Variants in MAP4 observed in about 807,000 individuals in gnomAD.
MAP4 encodes microtubule-associated protein 4.
MAP4 carries 76 observed loss-of-function variants against 170.2 expected under a neutral mutation model. That is an observed-to-expected ratio of 0.45 (90% CI 0.37 to 0.54). The LOEUF is 0.54. MAP4 is among the 20% of genes least tolerant of loss of function. MAP4 has a pLI of 0.00. For synonymous variants in MAP4, 909 were observed against 994.5 expected (o/e 0.91, Z 1.62); for missense variants, 2,506 against 2,748.0 (o/e 0.91, Z 1.97).
rs1402713541 is a variant in MAP4, at chr3:47,916,960, G to C, written c.867C>G (p.Ala289=). 8 of 1,614,208 alleles carry C rather than the reference G, an allele frequency of 5.0e-6. No homozygotes were observed. The highest frequency in any genetic ancestry group is 5.1e-6 in the Non-Finnish European group (6 of 1,180,034). ...ESPTKLDVTL[A]KDMQPSMESD... ...ATTCCATGGATGGCTGCATGTCCTT[G>C]GCCAGTGTCACATCTAATTTGGTGG... The change falls in exon 7 of 21, where the codon GCC becomes GCG. Residue 289 remains alanine, a synonymous_variant. Transcript: ENST00000683076.
chr3:47,864,102 T>C (rs1226082999), intron 17 of MAP4, among the ~76,000 whole-genome samples: 1 of 152,048 alleles, frequency 6.6e-6, no homozygotes, highest in Admixed American at 6.6e-5. Context: ...CTCAGCCTCC[T>C]GAGAAGCTGG....
At chr3:47,983,333 C>G (rs1465548834) in intron 2 of MAP4, among the ~76,000 whole-genome samples, 5 of 152,086 alleles carry the variant, frequency 3.3e-5, no homozygotes, top group Non-Finnish European at 7.4e-5. Context: ...CTCAGCCTCC[C>G]AAGTATATGG....
Position 47,891,014 on chromosome 3 carries a change from A to G in MAP4, c.5434+11936T>C, listed in dbSNP as rs754177850. 5.6e-5 allele frequency: 82 copies of G among 1,459,066 alleles called. 1 individual carries two copies. In the Admixed American group the frequency reaches 6.5e-4, roughly 12 times the overall value. The allele number at this position is 1,459,066 out of a possible 1,614,324, so 90.4% of individuals were successfully genotyped here. On this transcript the variant is annotated intron_variant, in intron 10 of 20. Coordinates refer to ENST00000683076, the MANE Select transcript of MAP4 (RefSeq NM_001385682.1). ...CTTGTTCCCAATGGAGGCAAAATTT[A>G]GAAACATACCATCACGTGGGGGCTT...
chr3:48,054,786 C>T (rs1361875337), intron 1 of MAP4, among the ~76,000 whole-genome samples: 6 of 150,172 alleles, frequency 4.0e-5, no homozygotes, highest in Admixed American at 1.3e-4. Flanking sequence ...CCAGCCTGGG[C>T]GACAAAGCAA....
chr3:47,869,219 C>T lies in MAP4; in HGVS notation c.6403G>A (p.Gly2135Arg). 6.2e-7 allele frequency: 1 copy of T among 1,610,216 alleles called. No homozygotes were observed. Among genetic ancestry groups the T allele is most frequent in the Non-Finnish European group, 8.5e-7 (1 of 1,176,442 alleles). Reference protein sequence around the residue: ...PIASAQKQPAGKVQIVSKKVS... With the variant: ...PIASAQKQPARKVQIVSKKVS... ...TGGGTCTAAATAAAACTCACTTTCCCCGCAGGTTGTTTCTGTGCACTTGCA... is the reference window on the plus strand; with the variant it reads ...TGGGTCTAAATAAAACTCACTTTCCTCGCAGGTTGTTTCTGTGCACTTGCA... Residue 2135 changes from glycine (G) to arginine (R), a missense_variant, in exon 16 of 21, where the codon GGG becomes AGG. Transcript: ENST00000683076.
intron 2 of MAP4, among the ~76,000 whole-genome samples, chr3:47,997,606 G>C (rs2100096682): frequency 6.6e-6 from 1 of 151,274 alleles, no homozygotes; most frequent in South Asian, 2.1e-4. Flanking sequence ...AAAAAACAAA[G>C]ATATGAGAAG....
At chr3:48,060,385 G>A (rs1015654528) in intron 1 of MAP4, among the ~76,000 whole-genome samples, 4 of 151,864 alleles carry the variant, frequency 2.6e-5, no homozygotes, top group South Asian at 2.1e-4. Context: ...TGTAAGATAC[G>A]AAACTATAAA....
chr3:48,062,595 A>T (rs1010514616), intron 1 of MAP4, among the ~76,000 whole-genome samples: 1 of 150,840 alleles, frequency 6.6e-6, no homozygotes, highest in East Asian at 1.9e-4. Context: ...AAATAAAAAA[A>T]TTTAAAAAAT....
upstream of MAP4, among the ~76,000 whole-genome samples, chr3:48,019,752 C>T (rs2100109639): frequency 6.6e-6 from 1 of 152,108 alleles, no homozygotes; most frequent in Admixed American, 6.5e-5. Context: ...GCCTGCACAC[C>T]TGTGGTCCCA....
At chr3:48,063,313 A>C (rs2100136850) in intron 1 of MAP4, among the ~76,000 whole-genome samples, 1 of 151,896 alleles carries the variant, frequency 6.6e-6, no homozygotes, top group Non-Finnish European at 1.5e-5. Flanking sequence ...GGAATCACCT[A>C]TAGTCCCAGC....
rs1444191518 is a variant in MAP4, at chr3:47,872,056, G to T, written c.5802C>A (p.Ser1934=). ...TGGAGGCTGGGGCAGAAGCTGGCTT[G>T]GATGGTGAGGCCCGCTTCTCAGGAG... ...AKAPEKRASP[S]KPASAPASRS... is the part of the protein sequence containing the mutation. The change falls in exon 13 of 21, where the codon TCC becomes TCA. Residue 1934 remains serine, a synonymous_variant. Coordinates refer to ENST00000683076, the MANE Select transcript of MAP4 (RefSeq NM_001385682.1). 1 of 1,613,326 alleles carries T rather than the reference G, an allele frequency of 6.2e-7. No individual in the cohort carries two copies. Among genetic ancestry groups the T allele is most frequent in the Non-Finnish European group, 8.5e-7 (1 of 1,179,436 alleles).
chr3:47,949,049 T>G (rs2100061941), intron 3 of MAP4, among the ~76,000 whole-genome samples: 1 of 152,208 alleles, frequency 6.6e-6, no homozygotes, highest in African/African-American at 2.4e-5. Context: ...TGGATGAATC[T>G]AACATAAAAA....
chr3:47,871,314 C>T (rs751787458), intron 13 of MAP4, 28 bp from the exon 14 acceptor site: 2 of 1,567,694 alleles, frequency 1.3e-6, no homozygotes, highest in South Asian at 2.2e-5. Context: ...ATTAATATAA[C>T]ATTTAACAAA....
intron 17 of MAP4, among the ~76,000 whole-genome samples, chr3:47,863,598 G>A (rs1318930729): frequency 1.3e-5 from 2 of 151,966 alleles, no homozygotes; most frequent in Non-Finnish European, 2.9e-5. Flanking sequence ...CGCTCTATGA[G>A]AGCCTGCAGG....
At chr3:47,981,766 CAA>C (rs909696980) in intron 2 of MAP4, among the ~76,000 whole-genome samples, 12 of 106,658 alleles carry the variant, frequency 1.1e-4, no homozygotes, top group East Asian at 2.7e-4. Context: ...CTCCATCTCC[CAA>C]AAAAAAAAAA....
At chr3:47,993,775 C>T (rs908574813) in intron 2 of MAP4, among the ~76,000 whole-genome samples, 9 of 152,188 alleles carry the variant, frequency 5.9e-5, no homozygotes, top group East Asian at 5.8e-4. Context: ...AGAGCAAACA[C>T]AAGAGTTTTT....
At chr3:48,023,486 C>A (rs1421386554) in intron 1 of MAP4, among the ~76,000 whole-genome samples, 1 of 152,176 alleles carries the variant, frequency 6.6e-6, no homozygotes, top group Non-Finnish European at 1.5e-5. Context: ...AACTGAAAGA[C>A]TTTTGCTGAC....
chr3:47,974,077 C>G, intron 3 of MAP4: 1 of 985,270 alleles, frequency 1.0e-6, no homozygotes, highest in Non-Finnish European at 1.2e-6. Context: ...TTTAAACTTT[C>G]ATGATATTCT....
intron 3 of MAP4, among the ~76,000 whole-genome samples, chr3:47,955,605 G>A (rs1033005492): frequency 1.3e-5 from 2 of 152,090 alleles, no homozygotes; most frequent in East Asian, 3.8e-4. Context: ...AAAATTCAGA[G>A]ACCCACTGCA....
Sources: allele counts gnomAD v4.1 joint callset (sites outside exome capture counted in the v4.1 genomes callset), GRCh38; gene constraint gnomAD v4.1.1; transcripts MANE v1.5; gene names NCBI Gene and HGNC (gene_info 2026-07-23, HGNC 2026-07-21).